The following IL20RB variants were observed in gnomAD, a reference collection of about 807,000 sequenced individuals.
IL20RB encodes interleukin 20 receptor subunit beta, also known as interleukin-20 receptor subunit beta.
IL20RB carries 21 observed loss-of-function variants against 33.3 expected under a neutral mutation model. The observed-to-expected ratio is 0.63, with a 90% CI of 0.45 to 0.91. IL20RB has a LOEUF of 0.91. Among genes scored for constraint, IL20RB ranks in the 40% least tolerant of loss-of-function variants. The pLI is 0.00. For missense variants in IL20RB, 345 were observed against 384.8 expected, an observed-to-expected ratio of 0.90 and a Z score of 0.86; for synonymous variants, 147 against 146.8, an observed-to-expected ratio of 1.00 and a Z score of -0.01.
chr3:136,961,202 T>G (rs1248134854), intron 1 of IL20RB, among the ~76,000 whole-genome samples: 2 of 152,256 alleles, frequency 1.3e-5, no homozygotes, highest in Non-Finnish European at 2.9e-5. Flanking sequence ...ACACCATTTA[T>G]GTACCAGGTT....
intron 3 of IL20RB, among the ~76,000 whole-genome samples, chr3:136,988,738 C>T (rs1232611052): frequency 6.6e-6 from 1 of 151,284 alleles, no homozygotes; most frequent in Admixed American, 6.6e-5. Context: ...GAGTGAGACC[C>T]TGTCTGAAAA....
intron 6 of IL20RB, among the ~76,000 whole-genome samples, chr3:137,002,145 G>A (rs1942256887): frequency 6.6e-6 from 1 of 152,118 alleles, no homozygotes; most frequent in Non-Finnish European, 1.5e-5. Flanking sequence ...TGGTATATAT[G>A]TGCCACATTT....
intron 1 of IL20RB, among the ~76,000 whole-genome samples, chr3:136,972,665 T>G (rs1013343813): frequency 1.3e-5 from 2 of 152,122 alleles, no homozygotes; most frequent in Non-Finnish European, 2.9e-5. Context: ...CTGATATTCT[T>G]TATTTGGGTT....
chr3:137,001,005 T>C (rs1942232349), intron 6 of IL20RB, among the ~76,000 whole-genome samples: 1 of 152,170 alleles, frequency 6.6e-6, no homozygotes, highest in Non-Finnish European at 1.5e-5. Context: ...GAAAGAACCA[T>C]GTAAAGGGTT....
chr3:136,993,345 T>C (rs1372578532), intron 5 of IL20RB, among the ~76,000 whole-genome samples: 3 of 152,268 alleles, frequency 2.0e-5, no homozygotes, highest in Admixed American at 6.5e-5. Context: ...ATATTGTACC[T>C]ACTACTCTGT....
intron 2 of IL20RB, 21 bp downstream of exon 2, chr3:136,980,613 GTTC>G (rs781461711): frequency 2.5e-6 from 4 of 1,613,764 alleles, no homozygotes; most frequent in African/African-American, 1.3e-5. Context: ...TCTTTTAATA[GTTC>G]TTCTCCCTTA....
chr3:137,001,932 A>G (rs1157211372), intron 6 of IL20RB, among the ~76,000 whole-genome samples: 1 of 151,488 alleles, frequency 6.6e-6, no homozygotes, highest in Non-Finnish European at 1.5e-5. Context: ...CCCCAAGTCC[A>G]CCTCCTGACA....
intron 5 of IL20RB, among the ~76,000 whole-genome samples, chr3:136,995,058 C>T (rs1233664313): frequency 2.0e-5 from 3 of 152,206 alleles, no homozygotes; most frequent in African/African-American, 7.2e-5. Flanking sequence ...CTTTCAATAC[C>T]TCCCCCTCAT....
intron 5 of IL20RB, among the ~76,000 whole-genome samples, chr3:136,992,612 A>G (rs184111447): frequency 5.8e-4 from 89 of 152,398 alleles, no homozygotes; most frequent in Non-Finnish European, 9.4e-4. Context: ...AAACCAAACA[A>G]GAGCCTACAT....
At chr3:136,981,275 A>ATTAAATTAAC (rs1344913357) in intron 2 of IL20RB, among the ~76,000 whole-genome samples, 1 of 151,754 alleles carries the variant, frequency 6.6e-6, no homozygotes, top group Non-Finnish European at 1.5e-5. Flanking sequence ...TTTAAATTAA[A>ATTAAATTAAC]TTAAATTAAA....
intron 6 of IL20RB, among the ~76,000 whole-genome samples, chr3:136,997,378 C>G (rs1288970050): frequency 2.0e-5 from 3 of 152,198 alleles, no homozygotes; most frequent in African/African-American, 7.2e-5. Flanking sequence ...AGGCGTGAGC[C>G]ACTGCACCTG....
chr3:136,958,801 T>G (rs1450869316), intron 1 of IL20RB, among the ~76,000 whole-genome samples: 4 of 152,204 alleles, frequency 2.6e-5, no homozygotes, highest in African/African-American at 9.6e-5. Context: ...AAATTGGAAC[T>G]CTGTAGCCTT....
chr3:136,980,244 T>C (rs529768546), intron 1 of IL20RB: 45 of 535,802 alleles, frequency 8.4e-5, no homozygotes, highest in Non-Finnish European at 1.4e-4. Flanking sequence ...AGTGTTAACA[T>C]AAGCATGATA....
chr3:137,000,882 A>G (rs1419318225), intron 6 of IL20RB, among the ~76,000 whole-genome samples: 2 of 152,114 alleles, frequency 1.3e-5, no homozygotes, highest in African/African-American at 4.8e-5. Flanking sequence ...TGTTTTCTTT[A>G]CTAGTTCTAT....
At chr3:137,008,999 C>A (rs974067233) in intron 6 of IL20RB, among the ~76,000 whole-genome samples, 1 of 152,190 alleles carries the variant, frequency 6.6e-6, no homozygotes, top group Non-Finnish European at 1.5e-5. Context: ...AATCTGACTG[C>A]ACCAGCAGCA....
intron 6 of IL20RB, among the ~76,000 whole-genome samples, chr3:137,005,157 T>C (rs1287325241): frequency 1.3e-5 from 2 of 152,156 alleles, no homozygotes; most frequent in Non-Finnish European, 2.9e-5. Flanking sequence ...TCTTTTCTTT[T>C]ACTTGCTGAG....
chr3:137,009,542 G>T (rs938251083), intron 6 of IL20RB, among the ~76,000 whole-genome samples: 3 of 152,034 alleles, frequency 2.0e-5, no homozygotes, highest in Admixed American at 1.3e-4. Flanking sequence ...GGGTTTTGTT[G>T]TTGTTGTTGT....
At chr3:136,999,511 G>A (rs1942198554) in intron 6 of IL20RB, among the ~76,000 whole-genome samples, 1 of 151,806 alleles carries the variant, frequency 6.6e-6, no homozygotes, top group Non-Finnish European at 1.5e-5. Flanking sequence ...AAAGTGTTGG[G>A]CTTAACAGAT....
intron 1 of IL20RB, among the ~76,000 whole-genome samples, chr3:136,977,648 C>T (rs1380356601): frequency 6.6e-6 from 1 of 152,180 alleles, no homozygotes; most frequent in African/African-American, 2.4e-5. Context: ...GCCTCAGCCT[C>T]CTGAATAGCC....
Sources: allele counts gnomAD v4.1 joint callset (sites outside exome capture counted in the v4.1 genomes callset), GRCh38; gene constraint gnomAD v4.1.1; transcripts MANE v1.5; gene names NCBI Gene and HGNC (gene_info 2026-07-23, HGNC 2026-07-21).